Variants in NOL4 observed in about 807,000 individuals in gnomAD.
NOL4 encodes the protein nucleolar protein 4.
In NOL4, 17 loss-of-function variants were observed where a neutral mutation model predicts 75.9. The ratio of observed to expected loss-of-function variants is 0.22; its 90% CI spans 0.15 to 0.34. NOL4 has a LOEUF of 0.34. Ranked by LOEUF, NOL4 falls within the 10% of genes least tolerant of loss-of-function variation. NOL4 has a pLI of 1.00. For missense variants in NOL4, 614 were observed against 793.5 expected (o/e 0.77, Z 2.72); for synonymous variants, 292 against 289.9 (o/e 1.01, Z -0.07).
intron 5 of NOL4, among the ~76,000 whole-genome samples, chr18:34,066,622 T>C (rs1410479426): frequency 6.6e-6 from 1 of 151,854 alleles, no homozygotes; most frequent in East Asian, 1.9e-4. Context: ...TCCAAAACTG[T>C]CTATGAAACA....
At chr18:33,883,181 A>G (rs1307763427) in intron 10 of NOL4, 63 bp downstream of exon 10, 6 of 1,300,420 alleles carry the variant, frequency 4.6e-6, no homozygotes, top group East Asian at 2.3e-5. Context: ...CAATGTGCAC[A>G]TGTACCCTAA....
At chr18:34,113,073 G>A (rs1487916811) in intron 2 of NOL4, among the ~76,000 whole-genome samples, 2 of 152,104 alleles carry the variant, frequency 1.3e-5, no homozygotes, top group Admixed American at 6.6e-5. Flanking sequence ...TCAAGTGATC[G>A]ATCCTCCTGC....
chr18:33,921,752 T>G (rs1402687081), intron 9 of NOL4, among the ~76,000 whole-genome samples: 4 of 152,154 alleles, frequency 2.6e-5, no homozygotes, highest in Non-Finnish European at 5.9e-5. Context: ...TTCTGCTATT[T>G]TAAATCACTG....
intron 8 of NOL4, among the ~76,000 whole-genome samples, chr18:33,949,681 A>G (rs375495796): frequency 6.6e-6 from 1 of 152,140 alleles, no homozygotes; most frequent in East Asian, 1.9e-4. Flanking sequence ...GGAGTTTGAA[A>G]GTGTGTTTTA....
intron 5 of NOL4, among the ~76,000 whole-genome samples, chr18:34,071,417 A>T (rs1444613656): frequency 7.4e-6 from 1 of 134,678 alleles, no homozygotes; most frequent in Non-Finnish European, 1.6e-5. Context: ...AGATATACAC[A>T]AATAGACAGA....
chr18:34,017,846 TA>T (rs1324253934), intron 6 of NOL4, among the ~76,000 whole-genome samples: 11 of 152,140 alleles, frequency 7.2e-5, no homozygotes, highest in African/African-American at 2.7e-4. Context: ...TACTAAGCCA[TA>T]AATTATTAAG....
rs1056121387 is a variant in NOL4, at chr18:33,920,043, G to A, written c.1542+23022C>T. ...ATGTTTCACCTTATTCTTTTTAAAT[G>A]ACAACTCCAATACTTATGCTCTGCA... On this transcript the variant is annotated intron_variant, in intron 9 of 10. Coordinates refer to ENST00000261592, the MANE Select transcript of NOL4 (RefSeq NM_003787.5). 3.3e-5 allele frequency among the ~76,000 whole-genome samples: 5 copies of A among 152,056 alleles called. No individual in the cohort carries two copies. The South Asian group carries it at 8.3e-4, about 25-fold the overall frequency.
chr18:34,019,170 T>C (rs2074883820), intron 6 of NOL4, 148 bp downstream of exon 6: 5 of 652,538 alleles, frequency 7.7e-6, no homozygotes, highest in African/African-American at 3.6e-5. Flanking sequence ...ACACACAATA[T>C]GCTTGGTGAT....
rs199732025 is a variant in NOL4 at position 34,001,661 on chromosome 18, C to T, written c.1056+17657G>A. ...TTTCTACATAGAAGAAAAACCTGTTCGATGATGACATTTCTTTTTTTATTA... is the reference window on the plus strand; with the variant it reads ...TTTCTACATAGAAGAAAAACCTGTTTGATGATGACATTTCTTTTTTTATTA... On this transcript the variant is annotated intron_variant, in intron 6 of 10. Coordinates refer to ENST00000261592, the MANE Select transcript of NOL4 (RefSeq NM_003787.5). The T allele has an allele frequency of 5.3e-5, 8 of 152,066 alleles. No homozygotes were observed. In the East Asian group the frequency reaches 1.4e-3, roughly 26 times the overall value. 9.4% of individuals were successfully genotyped at this position (152,066 alleles called of 1,614,324 possible).
Position 34,223,387 on chromosome 18 carries a change from G to T in NOL4, c.-134C>A. ...CGGCCGCAGCGGGAGCCTGCTTTGG[G>T]TGGGGGAAGGGATGGGAAGAGGGGA... On this transcript the variant is annotated 5_prime_UTR_variant, in exon 1 of 11. Coordinates refer to ENST00000261592, the MANE Select transcript of NOL4 (RefSeq NM_003787.5). The T allele has an allele frequency of 7.7e-7, 1 of 1,297,862 alleles. No homozygotes were observed. The highest frequency in any genetic ancestry group is 2.4e-5 in the East Asian group (1 of 41,604). 80.4% of individuals were successfully genotyped at this position (1,297,862 alleles called of 1,614,324 possible).
intron 5 of NOL4, among the ~76,000 whole-genome samples, chr18:34,040,706 A>G (rs897350325): frequency 6.6e-6 from 1 of 151,898 alleles, no homozygotes; most frequent in Non-Finnish European, 1.5e-5. Context: ...AGTCAATTGT[A>G]TCATTTAATG....
chr18:34,103,892 T>G (rs1324079272), intron 4 of NOL4, among the ~76,000 whole-genome samples, 155 bp downstream of exon 4: 20 of 152,054 alleles, frequency 1.3e-4, no homozygotes, highest in Non-Finnish European at 1.5e-5. Flanking sequence ...TAGGAGTTTC[T>G]GCTCACTTTT....
intron 6 of NOL4, among the ~76,000 whole-genome samples, chr18:34,011,682 A>G (rs1261686446): frequency 6.6e-6 from 1 of 151,842 alleles, no homozygotes; most frequent in Non-Finnish European, 1.5e-5. Context: ...CAAATAAACA[A>G]AAATTAAATA....
intron 6 of NOL4, among the ~76,000 whole-genome samples, chr18:33,982,602 G>T (rs79379903): frequency 1.3e-3 from 205 of 152,212 alleles, no homozygotes; most frequent in African/African-American, 4.6e-3. Context: ...AGATTAGTCT[G>T]TTATTATAGT....
intron 1 of NOL4, among the ~76,000 whole-genome samples, chr18:34,215,452 G>A (rs1316719813): frequency 6.6e-6 from 1 of 152,150 alleles, no homozygotes; most frequent in African/African-American, 2.4e-5. Flanking sequence ...ATTATATGGT[G>A]AGAATCTGAT....
intron 9 of NOL4, among the ~76,000 whole-genome samples, chr18:33,938,205 TA>T (rs1468651965): frequency 1.3e-5 from 2 of 152,060 alleles, no homozygotes; most frequent in African/African-American, 2.4e-5. Flanking sequence ...TTCTTACATG[TA>T]AATGAGAATA....
chr18:34,059,074 A>G (rs1401831885), intron 5 of NOL4, among the ~76,000 whole-genome samples: 2 of 147,522 alleles, frequency 1.4e-5, no homozygotes, highest in East Asian at 2.0e-4. Flanking sequence ...TTATCATGAC[A>G]AAAAATGTTA....
intron 2 of NOL4, among the ~76,000 whole-genome samples, chr18:34,125,162 A>T (rs1252722485): frequency 6.6e-6 from 1 of 152,338 alleles, no homozygotes; most frequent in Middle Eastern, 3.4e-3. Context: ...GGTTTAACCC[A>T]AATAGATTGA....
At chr18:34,214,515 T>C (rs1159378586) in intron 1 of NOL4, among the ~76,000 whole-genome samples, 2 of 152,180 alleles carry the variant, frequency 1.3e-5, no homozygotes. Flanking sequence ...ATGTAAACCA[T>C]AATCTTCACA....
Sources: gnomAD v4.1 joint callset for allele counts (sites outside exome capture counted in the v4.1 genomes callset) on GRCh38, gnomAD v4.1.1 for gene constraint, MANE v1.5 for transcripts, NCBI Gene and HGNC (gene_info 2026-07-23, HGNC 2026-07-21) for gene names.